EQTN: variants seen among roughly 807,000 people sequenced by gnomAD.
EQTN encodes Acrosome formation associated factor.
A neutral mutation model predicts 26.9 loss-of-function variants in EQTN; 29 were observed. The ratio of observed to expected loss-of-function variants is 1.08; its 90% CI spans 0.80 to 1.47. The LOEUF (loss-of-function observed/expected upper bound fraction) is 1.47. Ranked by LOEUF, EQTN falls within the 40% of genes most tolerant of loss-of-function variation. The pLI is 0.00. For missense variants in EQTN, 391 were observed against 346.1 expected (o/e 1.13, Z -1.03); for synonymous variants, 129 against 120.0 (o/e 1.07, Z -0.49).
Position 27,289,682 on chromosome 9 carries a change from G to T in EQTN, c.471C>A (p.His157Gln). 1.2e-6 allele frequency: 2 copies of T among 1,606,112 alleles called. No homozygotes were observed. The highest frequency in any genetic ancestry group is 1.7e-6 in the Non-Finnish European group (2 of 1,175,836). The change falls in exon 6 of 8, where the codon CAC becomes CAA. Residue 157 changes from histidine (H) to glutamine (Q), a missense_variant. By Grantham distance (24) the His-to-Gln change is conservative. Transcript: ENST00000380032. The part of the protein sequence containing the change: ...VVMDDKDQLF[H>Q]PIPESDVNAT... The stretch of plus-strand genomic sequence containing the variant: ...ATATTTTGTTCTTACCTGGAATTGG[G>T]TGAAATAATTGATCTTTATCATCCA...
intron 6 of EQTN, 105 bp from the exon 7 acceptor site, chr9:27,286,467 G>C: frequency 8.9e-7 from 1 of 1,129,688 alleles, no homozygotes; most frequent in Non-Finnish European, 1.3e-6. Flanking sequence ...CCACCATCCA[G>C]AGTATTAACT....
chr9:27,287,204 T>C (rs1820141255), intron 6 of EQTN, among the ~76,000 whole-genome samples: 1 of 152,160 alleles, frequency 6.6e-6, no homozygotes, highest in African/African-American at 2.4e-5. Context: ...TAGGTAATGA[T>C]ATTTAGGTGA....
Position 27,294,375 on chromosome 9 carries a change from C to G in EQTN, c.230G>C (p.Gly77Ala), listed in dbSNP as rs781564714. Residue 77 changes from glycine (G) to alanine (A), a missense_variant, in exon 3 of 8, where the codon GGC becomes GCC. Transcript: ENST00000380032. ...TCTCACAGATATTTCAGACTCAGTG[C>G]CATTTGGATTTTGTGTTGTGAACAC... ...QYVFTTQNPN[G>A]TESEISVRAT... 2 of 1,609,458 alleles carry G rather than the reference C, an allele frequency of 1.2e-6. No individual in the cohort carries two copies. The highest frequency in any genetic ancestry group is 1.7e-6 in the Non-Finnish European group (2 of 1,177,194).
At chr9:27,292,820 A>C (rs767856677) in intron 3 of EQTN, among the ~76,000 whole-genome samples, 8 of 152,206 alleles carry the variant, frequency 5.3e-5, no homozygotes, top group Non-Finnish European at 1.0e-4. Context: ...TTCCCTGCAC[A>C]GGCGGTGAAA....
chr9:27,285,533 A>T (rs1820102750), intron 7 of EQTN, among the ~76,000 whole-genome samples: 1 of 152,244 alleles, frequency 6.6e-6, no homozygotes, highest in Admixed American at 6.5e-5. Context: ...TTACTAAAAC[A>T]GTAGAAGTTG....
intron 3 of EQTN, among the ~76,000 whole-genome samples, chr9:27,293,274 C>G (rs923405913): frequency 2.0e-5 from 3 of 152,150 alleles, no homozygotes; most frequent in African/African-American, 7.2e-5. Flanking sequence ...TCAAGCAGAA[C>G]TCGAAAAGTG....
chr9:27,295,759 G>A (rs1384156014), intron 2 of EQTN, among the ~76,000 whole-genome samples: 1 of 147,716 alleles, frequency 6.8e-6, no homozygotes, highest in Non-Finnish European at 1.5e-5. Flanking sequence ...GTGAACCCGG[G>A]AGGCGGAACT....
At chr9:27,285,481 T>G (rs901791341) in intron 7 of EQTN, among the ~76,000 whole-genome samples, 1 of 152,194 alleles carries the variant, frequency 6.6e-6, no homozygotes, top group African/African-American at 2.4e-5. Context: ...ATGTAACACT[T>G]TGAAGCATGT....
At chr9:27,290,603 A>G (rs1820214815) in intron 5 of EQTN, among the ~76,000 whole-genome samples, 1 of 152,236 alleles carries the variant, frequency 6.6e-6, no homozygotes, top group Admixed American at 6.5e-5. Context: ...TAGAAATACT[A>G]TGTACATCAT....
intron 4 of EQTN, among the ~76,000 whole-genome samples, chr9:27,291,482 C>G (rs944574927): frequency 3.9e-5 from 6 of 152,188 alleles, no homozygotes; most frequent in Non-Finnish European, 8.8e-5. Flanking sequence ...AACGCACAAT[C>G]GTAAGCAGGC....
intron 1 of EQTN, 34 bp downstream of exon 1, chr9:27,296,943 CCTA>C (rs773265805): frequency 8.1e-6 from 13 of 1,599,118 alleles, no homozygotes; most frequent in African/African-American, 1.4e-5. Context: ...ATCCTTCTTA[CCTA>C]CTATTTTTAT....
chr9:27,287,897 G>A (rs548538836), intron 6 of EQTN, among the ~76,000 whole-genome samples: 5 of 152,216 alleles, frequency 3.3e-5, no homozygotes, highest in Non-Finnish European at 5.9e-5. Context: ...TCTGCCTCCC[G>A]GGTTCAAGTG....
At position 27,292,878 on chromosome 9, in the gene EQTN, G is replaced by A. The variant is rs1361397005; in HGVS notation, c.290-391C>T. ...CTTGGCTGCTGTTCAGTGTAACGAC[G>A]CAAGAAAGGGAGGCTGAGTATTAAG... On this transcript the variant is annotated intron_variant, in intron 3 of 7. Transcript: ENST00000380032. Among the ~76,000 whole-genome samples the A allele has an allele frequency of 3.3e-5, 5 of 152,176 alleles. No homozygotes were observed. The East Asian group carries it at 9.6e-4, about 29-fold the overall frequency.
chr9:27,295,831 C>CAAAAAAAAAA (rs67401588), intron 2 of EQTN, among the ~76,000 whole-genome samples: 1 of 69,298 alleles, frequency 1.4e-5, no homozygotes, highest in Admixed American at 2.0e-4. Flanking sequence ...GACTCCGTCT[C>CAAAAAAAAAA]AAAAAAAAAA....
Position 27,296,129 on chromosome 9 carries a change from C to T in EQTN, c.202+484G>A, listed in dbSNP as rs113035381. The stretch of plus-strand genomic sequence containing the variant: ...CAGCCTGGGCAACATGATGAAACAC[C>T]GTTTCTACAAAAAAAATACAAAAAT... On this transcript the variant is annotated intron_variant, in intron 2 of 7. Coordinates refer to ENST00000380032, the MANE Select transcript of EQTN (RefSeq NM_020641.3). 4.4e-3 allele frequency among the ~76,000 whole-genome samples: 662 copies of T among 152,004 alleles called. 7 individuals are homozygous for T. Among genetic ancestry groups the T allele is most frequent in the African/African-American group, 0.015 (620 of 41,458 alleles).
chr9:27,286,281 A>T lies in EQTN; in HGVS notation c.563T>A (p.Leu188Ter). Residue 188 changes from leucine (L) to a stop codon, truncating the protein, a stop_gained, in exon 7 of 8, where the codon TTG (leucine) becomes TAG (stop). Coordinates refer to ENST00000380032, the MANE Select transcript of EQTN (RefSeq NM_020641.3). LOFTEE classifies it high-confidence loss of function. ...LKIKIMLGIS[L>*]MTLLLFVVLL... ...GACCACAAAGAGGAGGAGGGTCATCAACGAGATTCCCAGCATTATTTTGAT... is the reference window on the plus strand; with the variant it reads ...GACCACAAAGAGGAGGAGGGTCATCTACGAGATTCCCAGCATTATTTTGAT... 7 of 1,613,190 alleles carry T rather than the reference A, an allele frequency of 4.3e-6. No homozygotes were observed. The highest frequency in any genetic ancestry group is 5.9e-6 in the Non-Finnish European group (7 of 1,179,678).
chr9:27,297,137 A>G lies in EQTN; in HGVS notation c.-82T>C. On this transcript the variant is annotated 5_prime_UTR_variant, in exon 1 of 8. Coordinates refer to ENST00000380032, the MANE Select transcript of EQTN (RefSeq NM_020641.3). ...CTGTGGCCCAGCAGGTCCTGTGTCT[A>G]ACTAGGACATTATGACATCACTGTC... is the stretch of plus-strand genomic sequence containing the variant. The G allele has an allele frequency of 1.1e-6, 1 of 932,516 alleles. No homozygotes were observed. Among genetic ancestry groups the G allele is most frequent in the Non-Finnish European group, 1.6e-6 (1 of 607,980 alleles). The allele number at this position is 932,516 out of a possible 1,614,324, so 57.8% of individuals were successfully genotyped here.
intron 6 of EQTN, 130 bp from the exon 7 acceptor site, chr9:27,286,492 C>G (rs1331669546): frequency 1.2e-6 from 1 of 857,520 alleles, no homozygotes. Flanking sequence ...GGTCTCCCAT[C>G]CCGCAGGCAA....
chr9:27,284,854 A>C lies in EQTN; in HGVS notation c.754T>G (p.Phe252Val). Residue 252 changes from phenylalanine to valine, a missense_variant, in exon 8 of 8, where the codon TTT (phenylalanine) becomes GTT (valine). Phe to Val is a conservative substitution (Grantham distance 50). Coordinates refer to ENST00000380032, the MANE Select transcript of EQTN (RefSeq NM_020641.3). ...ATATCTGAAGAAGTGGTACCCAAAAATGTGCTGCTCTCTGCACTCTTGGAA... is the reference window on the plus strand; with the variant it reads ...ATATCTGAAGAAGTGGTACCCAAAACTGTGCTGCTCTCTGCACTCTTGGAA... Reference protein sequence around the residue: ...SFSKSAESSTFLGTTSSDMRR... With the variant: ...SFSKSAESSTVLGTTSSDMRR... 1 of 1,614,152 alleles carries C rather than the reference A, an allele frequency of 6.2e-7. No homozygotes were observed.
Sources: allele counts gnomAD v4.1 joint callset (sites outside exome capture counted in the v4.1 genomes callset), GRCh38; gene constraint gnomAD v4.1.1; transcripts MANE v1.5; gene names NCBI Gene and HGNC (gene_info 2026-07-23, HGNC 2026-07-21).